Variants in RGS7 observed in about 807,000 individuals in gnomAD.
RGS7 encodes regulator of G protein signaling 7, also known as regulator of G-protein signaling 7.
A neutral mutation model predicts 81.1 loss-of-function variants in RGS7; 27 were observed. The ratio of observed to expected loss-of-function variants is 0.33; its 90% CI spans 0.25 to 0.46. RGS7 has a LOEUF of 0.46. Ranked by LOEUF, RGS7 falls within the 20% of genes least tolerant of loss-of-function variation. RGS7 has a pLI of 1.00. For missense variants in RGS7, 396 were observed against 607.4 expected (o/e 0.65, Z 3.66); for synonymous variants, 208 against 207.7 (o/e 1.00, Z -0.01).
chr1:241,342,738 A>AAT (rs1348984632), intron 2 of RGS7, among the ~76,000 whole-genome samples: 2 of 152,190 alleles, frequency 1.3e-5, no homozygotes, highest in Admixed American at 6.5e-5. Context: ...TTGTCCGAAG[A>AAT]ATATATATAA....
chr1:240,836,299 T>C (rs567942119), intron 9 of RGS7, among the ~76,000 whole-genome samples: 10 of 152,220 alleles, frequency 6.6e-5, no homozygotes, highest in South Asian at 2.1e-4. Context: ...TTCAAGAATA[T>C]TGAGCACTTT....
At chr1:241,084,040 T>C (rs993878676) in intron 3 of RGS7, among the ~76,000 whole-genome samples, 1 of 152,222 alleles carries the variant, frequency 6.6e-6, no homozygotes, top group Non-Finnish European at 1.5e-5. Flanking sequence ...GCTTAAGTTA[T>C]ATAAGGTTCC....
In RGS7 at chr1:240,868,128, AAG is replaced by A. The variant is rs2148018266; in HGVS notation, c.609+457_609+458del. Among the ~76,000 whole-genome samples the A allele has an allele frequency of 8.6e-6, 1 of 116,190 alleles. No homozygotes were observed. Among genetic ancestry groups the A allele is most frequent in the South Asian group, 2.6e-4 (1 of 3,840 alleles). The allele number at this position is 116,190 out of a possible 152,430, so 76.2% of individuals were successfully genotyped here. On this transcript the variant is annotated intron_variant, in intron 9 of 18. Transcript: ENST00000440928. This position sits in a 1 kb window ranked among gnomAD's most constrained non-coding sequence, Gnocchi z 5.1. The stretch of plus-strand genomic sequence containing the variant: ...GAAAGAAAAGAAAAGGAAAGAAAGA[AAG>A]AAAGAAAGAAAGAAAGAAAGAAAGA...
chr1:241,129,769 C>T (rs933598635), intron 2 of RGS7, among the ~76,000 whole-genome samples: 1 of 151,882 alleles, frequency 6.6e-6, no homozygotes, highest in East Asian at 1.9e-4. Context: ...TCTGTATTTC[C>T]AAAAAACTTC....
intron 2 of RGS7, among the ~76,000 whole-genome samples, chr1:241,131,265 A>C (rs1385574653): frequency 6.6e-6 from 1 of 152,216 alleles, no homozygotes; most frequent in Non-Finnish European, 1.5e-5. Context: ...AATGTAAGGG[A>C]ATTTGAATGT....
chr1:241,113,847 C>A (rs2065702289), intron 2 of RGS7, among the ~76,000 whole-genome samples: 1 of 152,208 alleles, frequency 6.6e-6, no homozygotes, highest in Admixed American at 6.5e-5. Context: ...AAGAGTGCAA[C>A]ACTTGGAAAT....
intron 3 of RGS7, among the ~76,000 whole-genome samples, chr1:241,001,153 G>A (rs1688087624): frequency 6.6e-6 from 1 of 152,056 alleles, no homozygotes; most frequent in Non-Finnish European, 1.5e-5. Context: ...TGTTTTCATA[G>A]GCTAATTTTT....
At chr1:241,153,041 T>C (rs1359626169) in intron 2 of RGS7, among the ~76,000 whole-genome samples, 2 of 152,216 alleles carry the variant, frequency 1.3e-5, no homozygotes, top group East Asian at 3.8e-4. Flanking sequence ...GATGAGTTGT[T>C]TTATGATTGG....
chr1:241,009,688 C>T (rs2058855463), intron 3 of RGS7, among the ~76,000 whole-genome samples: 1 of 152,074 alleles, frequency 6.6e-6, no homozygotes, highest in Non-Finnish European at 1.5e-5. Context: ...GACTGTAAAC[C>T]CAGAAATTGG....
intron 2 of RGS7, among the ~76,000 whole-genome samples, chr1:241,251,673 C>G (rs1432581138): frequency 1.3e-5 from 2 of 151,914 alleles, no homozygotes; most frequent in Admixed American, 6.6e-5. Flanking sequence ...CCACGCCCAG[C>G]TAATTTTTGT....
chr1:240,894,455 T>A (rs770252324), intron 6 of RGS7, among the ~76,000 whole-genome samples: 66 of 152,144 alleles, frequency 4.3e-4, no homozygotes, highest in Non-Finnish European at 8.7e-4. Flanking sequence ...CTTTACTCTA[T>A]GTGTTTTAAC....
At chr1:241,244,327 C>T (rs2076411368) in intron 2 of RGS7, among the ~76,000 whole-genome samples, 1 of 152,130 alleles carries the variant, frequency 6.6e-6, no homozygotes, top group South Asian at 2.1e-4. Context: ...CAAAAGAAGA[C>T]ATTTATGCAG....
chr1:241,210,658 ACT>A (rs1558192655), intron 2 of RGS7, among the ~76,000 whole-genome samples: 6 of 152,206 alleles, frequency 3.9e-5, no homozygotes, highest in Non-Finnish European at 7.3e-5. Context: ...TGGAATATTT[ACT>A]ATGACTTTCC....
chr1:240,834,592 G>A (rs1299572987), intron 9 of RGS7, among the ~76,000 whole-genome samples: 1 of 152,064 alleles, frequency 6.6e-6, no homozygotes, highest in South Asian at 2.1e-4. Context: ...CTCACTGCAA[G>A]CTCCGCCTCC....
intron 2 of RGS7, among the ~76,000 whole-genome samples, chr1:241,197,943 A>G (rs2073202249): frequency 6.6e-6 from 1 of 151,604 alleles, no homozygotes; most frequent in African/African-American, 2.4e-5. Flanking sequence ...AACATTATCT[A>G]TCTATCTATC....
At chr1:241,137,648 C>A (rs1347775326) in intron 2 of RGS7, among the ~76,000 whole-genome samples, 1 of 152,196 alleles carries the variant, frequency 6.6e-6, no homozygotes, top group Non-Finnish European at 1.5e-5. Context: ...CTGGCACACA[C>A]CTGCTCAAAG....
intron 9 of RGS7, among the ~76,000 whole-genome samples, chr1:240,835,852 G>A (rs1694644998): frequency 6.6e-6 from 1 of 152,190 alleles, no homozygotes; most frequent in African/African-American, 2.4e-5. Flanking sequence ...CAGATTGTAC[G>A]ATTCCAATCA....
chr1:240,963,785 TATG>T (rs764264491), intron 4 of RGS7, among the ~76,000 whole-genome samples: 19 of 152,262 alleles, frequency 1.2e-4, no homozygotes, highest in South Asian at 4.2e-4. Flanking sequence ...AAGAGTGTAT[TATG>T]ATGGGAGAGA....
intron 2 of RGS7, among the ~76,000 whole-genome samples, chr1:241,290,030 A>C (rs2079010912): frequency 6.6e-6 from 1 of 152,260 alleles, no homozygotes; most frequent in Admixed American, 6.5e-5. Context: ...GCAAAGGCTA[A>C]AGCAGTACTA....
Sources: allele counts gnomAD v4.1 joint callset (sites outside exome capture counted in the v4.1 genomes callset), GRCh38; gene constraint gnomAD v4.1.1; non-coding constraint Gnocchi (gnomAD v3.1); transcripts MANE v1.5; gene names NCBI Gene and HGNC (gene_info 2026-07-23, HGNC 2026-07-21).